LY86: variants seen among roughly 807,000 people sequenced by gnomAD.
LY86 encodes MD-1, RP105-associated.
In LY86, 20 loss-of-function variants were observed where a neutral mutation model predicts 17.3. The ratio of observed to expected loss-of-function variants is 1.15; its 90% CI spans 0.81 to 1.68. The LOEUF (loss-of-function observed/expected upper bound fraction) is 1.68, where lower values mean the gene tolerates loss of function less well. Among genes scored for constraint, LY86 ranks in the 40% most tolerant of loss-of-function variants. The pLI is 0.00. For missense variants in LY86, 200 were observed against 191.9 expected, an observed-to-expected ratio of 1.04 and a Z score of -0.25; for synonymous variants, 74 against 70.6, an observed-to-expected ratio of 1.05 and a Z score of -0.24.
intron 1 of LY86, among the ~76,000 whole-genome samples, chr6:6,593,402 A>G (rs1334323168): frequency 1.4e-5 from 2 of 138,090 alleles, no homozygotes; most frequent in African/African-American, 5.2e-5. Flanking sequence ...ACATCTGCAA[A>G]GTCTCTTTTG....
At chr6:6,589,468 G>A (rs547419276) in intron 1 of LY86, among the ~76,000 whole-genome samples, 34 of 152,256 alleles carry the variant, frequency 2.2e-4, no homozygotes, top group East Asian at 5.8e-4. Context: ...TCACCCCAGC[G>A]GGCCAACCCA....
At chr6:6,653,040 G>A (rs1191576612) in intron 4 of LY86, among the ~76,000 whole-genome samples, 1 of 152,126 alleles carries the variant, frequency 6.6e-6, no homozygotes, top group Non-Finnish European at 1.5e-5. Flanking sequence ...CTAACATTTG[G>A]ACTGCTTTGG....
chr6:6,631,613 G>A (rs946954319), intron 3 of LY86, among the ~76,000 whole-genome samples: 9 of 152,180 alleles, frequency 5.9e-5, no homozygotes, highest in African/African-American at 1.2e-4. Flanking sequence ...CTACCCAGAC[G>A]TACTGAATCA....
chr6:6,640,587 G>A (rs1762025731), intron 3 of LY86, among the ~76,000 whole-genome samples: 1 of 151,830 alleles, frequency 6.6e-6, no homozygotes, highest in African/African-American at 2.4e-5. Flanking sequence ...TGGGCATGGT[G>A]GTGTAGTCCT....
Position 6,606,481 on chromosome 6 carries a change from G to C in LY86, c.136+17611G>C, listed in dbSNP as rs537330868. Among the ~76,000 whole-genome samples the C allele has an allele frequency of 3.9e-3, 601 of 152,318 alleles. 1 individual carries two copies. Among genetic ancestry groups the C allele is most frequent in the Middle Eastern group, 0.02 (6 of 294 alleles). Reference sequence around the variant, plus strand: ...CCACACCGCGCACCCGCACTCCTCAGCCCTTGGGTGGTCGATGGGACCGGG... The same window carrying C: ...CCACACCGCGCACCCGCACTCCTCACCCCTTGGGTGGTCGATGGGACCGGG... On this transcript the variant is annotated intron_variant, in intron 1 of 4. Coordinates refer to ENST00000230568, the MANE Select transcript of LY86 (RefSeq NM_004271.4).
rs145606127 is a variant in LY86, at chr6:6,605,508, C to T, written c.136+16638C>T. Among the ~76,000 whole-genome samples, 838 of 152,334 alleles carry T rather than the reference C, an allele frequency of 5.5e-3. 6 individuals are homozygous for T. Among genetic ancestry groups the T allele is most frequent in the South Asian group, 0.029 (138 of 4,826 alleles). The stretch of plus-strand genomic sequence containing the variant: ...TATTAGCCAGAGATCAGTGCCTTGC[C>T]ATGGGGGGTCTCCCCACAACGCTAC... On this transcript the variant is annotated intron_variant, in intron 1 of 4. Coordinates refer to ENST00000230568, the MANE Select transcript of LY86 (RefSeq NM_004271.4).
chr6:6,608,922 C>T (rs1414825741), intron 1 of LY86, among the ~76,000 whole-genome samples: 5 of 152,206 alleles, frequency 3.3e-5, no homozygotes, highest in African/African-American at 7.2e-5. Context: ...AGCTTGCTAT[C>T]TTTCAATATA....
At chr6:6,612,015 T>C (rs910526850) in intron 1 of LY86, among the ~76,000 whole-genome samples, 3 of 45,132 alleles carry the variant, frequency 6.6e-5, no homozygotes, top group African/African-American at 1.8e-4. Flanking sequence ...ATGAAAATAA[T>C]CTTTGTGGTC....
chr6:6,649,166 C>T (rs1762149453), intron 3 of LY86, among the ~76,000 whole-genome samples: 1 of 152,204 alleles, frequency 6.6e-6, no homozygotes, highest in African/African-American at 2.4e-5. Flanking sequence ...AGGGCGTGTG[C>T]AGGGGAACTG....
At chr6:6,626,021 T>C (rs938784592) in intron 2 of LY86, among the ~76,000 whole-genome samples, 1 of 152,122 alleles carries the variant, frequency 6.6e-6, no homozygotes, top group Non-Finnish European at 1.5e-5. Context: ...TAAAAGGCCA[T>C]AGCATCAGGG....
intron 1 of LY86, among the ~76,000 whole-genome samples, chr6:6,611,649 C>T (rs1333172766): frequency 6.6e-6 from 1 of 152,216 alleles, no homozygotes; most frequent in Non-Finnish European, 1.5e-5. Flanking sequence ...CTGGTGCCTC[C>T]CTGTTCTCTC....
chr6:6,593,418 T>C (rs867862946), intron 1 of LY86, among the ~76,000 whole-genome samples: 1 of 66,160 alleles, frequency 1.5e-5, no homozygotes, highest in Non-Finnish European at 3.4e-5. Context: ...TTTTGCCAAG[T>C]AAGATAAGAT....
intron 1 of LY86, among the ~76,000 whole-genome samples, chr6:6,592,536 T>C (rs1480133750): frequency 1.3e-5 from 2 of 152,088 alleles, no homozygotes; most frequent in African/African-American, 2.4e-5. Context: ...AGGGGAAGCA[T>C]AAGGGAAAGT....
At chr6:6,650,612 C>T (rs1439217523) in intron 4 of LY86, among the ~76,000 whole-genome samples, 1 of 152,102 alleles carries the variant, frequency 6.6e-6, no homozygotes, top group Non-Finnish European at 1.5e-5. Flanking sequence ...GGATTACAGG[C>T]CCCTCAGAGA....
intron 1 of LY86, chr6:6,591,159 C>T (rs1760513230): frequency 6.5e-6 from 1 of 153,826 alleles, no homozygotes; most frequent in African/African-American, 2.4e-5. Flanking sequence ...GACTCACCCT[C>T]TGCCTGCAGC....
chr6:6,619,656 C>G (rs1212837623), intron 1 of LY86, among the ~76,000 whole-genome samples: 1 of 152,190 alleles, frequency 6.6e-6, no homozygotes, highest in Non-Finnish European at 1.5e-5. Context: ...CCTCCTGGGG[C>G]CAGCCTGTGT....
chr6:6,612,460 T>TA (rs780889189), intron 1 of LY86, among the ~76,000 whole-genome samples: 1 of 152,284 alleles, frequency 6.6e-6, no homozygotes, highest in East Asian at 1.9e-4. Context: ...GTGTTACACT[T>TA]CATAAAAGCA....
At chr6:6,599,228 C>T (rs1459161855) in intron 1 of LY86, among the ~76,000 whole-genome samples, 2 of 152,206 alleles carry the variant, frequency 1.3e-5, no homozygotes, top group Non-Finnish European at 1.5e-5. Context: ...ATCACCTAGA[C>T]ATGCCTGCTA....
intron 1 of LY86, among the ~76,000 whole-genome samples, chr6:6,600,587 CA>C (rs59560744): frequency 1.2e-5 from 1 of 82,458 alleles, no homozygotes; most frequent in African/African-American, 5.1e-5. Context: ...GAGACTCCAT[CA>C]AAAAAAAAAA....
Sources: allele counts gnomAD v4.1 joint callset (sites outside exome capture counted in the v4.1 genomes callset), GRCh38; gene constraint gnomAD v4.1.1; transcripts MANE v1.5; gene names NCBI Gene and HGNC (gene_info 2026-07-23, HGNC 2026-07-21).